BMPR1B: variants seen among roughly 807,000 people sequenced by gnomAD.
BMPR1B encodes the protein bone morphogenetic protein receptor type-1B.
A neutral mutation model predicts 59.1 loss-of-function variants in BMPR1B; 12 were observed. That is an observed-to-expected ratio of 0.20 (90% confidence interval 0.13 to 0.33). The LOEUF is 0.33. Among genes scored for constraint, BMPR1B ranks in the 10% least tolerant of loss-of-function variants. The pLI, the probability that BMPR1B is intolerant of heterozygous loss-of-function variation, is 1.00. For missense variants in BMPR1B, 550 were observed against 610.9 expected, an observed-to-expected ratio of 0.90 and a Z score of 1.05; for synonymous variants, 237 against 207.3, an observed-to-expected ratio of 1.14 and a Z score of -1.23.
At chr4:94,786,824 G>A (rs368660124) in intron 1 of BMPR1B, among the ~76,000 whole-genome samples, 4 of 152,058 alleles carry the variant, frequency 2.6e-5, no homozygotes, top group South Asian at 2.1e-4. Flanking sequence ...GATTACAGGC[G>A]TGAGCCATCG....
intron 7 of BMPR1B, among the ~76,000 whole-genome samples, chr4:95,124,527 A>T (rs1227433065): frequency 6.6e-6 from 1 of 152,022 alleles, no homozygotes; most frequent in African/African-American, 2.4e-5. Flanking sequence ...ATTGACAAAA[A>T]GTTTTTAAAG....
At chr4:94,901,946 ACATAGGTATATATT>A (rs1727824305) in intron 2 of BMPR1B, among the ~76,000 whole-genome samples, 2 of 151,786 alleles carry the variant, frequency 1.3e-5, no homozygotes, top group Admixed American at 6.6e-5. Flanking sequence ...ACATATAGTC[ACATAGGTATATATT>A]CATATGAAGA....
intron 3 of BMPR1B, among the ~76,000 whole-genome samples, chr4:95,026,123 T>TTTCTTTCTTTC (rs1724376028): frequency 6.9e-6 from 1 of 144,504 alleles, no homozygotes; most frequent in Non-Finnish European, 1.5e-5. Flanking sequence ...TCTTTCTTTC[T>TTTCTTTCTTTC]TTCTTTCTTT....
chr4:94,797,478 G>A (rs1443175915), intron 1 of BMPR1B, among the ~76,000 whole-genome samples: 4 of 152,286 alleles, frequency 2.6e-5, no homozygotes, highest in Admixed American at 1.3e-4. Flanking sequence ...ATGTGATTGC[G>A]AAGGTGTTGT....
At chr4:94,833,084 G>C (rs1267182250) in intron 1 of BMPR1B, among the ~76,000 whole-genome samples, 4 of 151,460 alleles carry the variant, frequency 2.6e-5, no homozygotes, top group African/African-American at 9.7e-5. Context: ...TCATTTACTC[G>C]GGAGGCTGAG....
chr4:94,943,519 A>G (rs1729598396), intron 2 of BMPR1B, among the ~76,000 whole-genome samples: 2 of 152,208 alleles, frequency 1.3e-5, no homozygotes, highest in Admixed American at 6.5e-5. Context: ...TACCTACTAC[A>G]TAGGTTTGTT....
chr4:94,978,072 G>A (rs1298238092), intron 2 of BMPR1B, among the ~76,000 whole-genome samples: 5 of 152,098 alleles, frequency 3.3e-5, no homozygotes, highest in African/African-American at 1.2e-4. Flanking sequence ...AGGCCCATTG[G>A]CTTTCACTAA....
chr4:94,921,060 G>A (rs1196120551), intron 2 of BMPR1B, among the ~76,000 whole-genome samples: 1 of 152,034 alleles, frequency 6.6e-6, no homozygotes, highest in Non-Finnish European at 1.5e-5. Flanking sequence ...AACTTTTTCT[G>A]AACTTTAACA....
chr4:95,152,913 A>G (rs751970927), intron 12 of BMPR1B, 140 bp downstream of exon 12: 3 of 1,121,810 alleles, frequency 2.7e-6, no homozygotes, highest in East Asian at 2.6e-5. Context: ...AGTAATTTAT[A>G]TGAAGATAAG....
At chr4:94,864,814 T>C (rs6829384) in intron 1 of BMPR1B, among the ~76,000 whole-genome samples, 10,507 of 152,070 alleles carry the variant, frequency 0.069, 935 homozygotes, top group African/African-American at 0.21. Context: ...ACACAGCCAT[T>C]CCTTTAAAAA....
chr4:94,983,328 T>C (rs1387638208), intron 2 of BMPR1B, among the ~76,000 whole-genome samples: 2 of 152,222 alleles, frequency 1.3e-5, no homozygotes, highest in Non-Finnish European at 2.9e-5. Context: ...AGAAGATACC[T>C]GACACGCTGC....
intron 3 of BMPR1B, among the ~76,000 whole-genome samples, chr4:95,083,920 C>A (rs1464416888): frequency 6.6e-6 from 1 of 151,996 alleles, no homozygotes; most frequent in African/African-American, 2.4e-5. Context: ...AAAGGAAATG[C>A]AGGTTATTTT....
chr4:94,761,725 G>A (rs1394397376), intron 1 of BMPR1B, among the ~76,000 whole-genome samples: 1 of 152,096 alleles, frequency 6.6e-6, no homozygotes. Context: ...TTTTAAATAT[G>A]GGTATTCAGA....
chr4:94,760,365 T>C (rs1447231047), intron 1 of BMPR1B, among the ~76,000 whole-genome samples: 1 of 152,250 alleles, frequency 6.6e-6, no homozygotes, highest in Non-Finnish European at 1.5e-5. Flanking sequence ...GGAAATTGAC[T>C]TAAATTTTTC....
At chr4:94,930,070 A>G (rs1729038368) in intron 2 of BMPR1B, among the ~76,000 whole-genome samples, 1 of 151,954 alleles carries the variant, frequency 6.6e-6, no homozygotes, top group South Asian at 2.1e-4. Flanking sequence ...TTAAACTAAG[A>G]CTGTTTAGGA....
chr4:95,042,800 T>A (rs898841036), intron 3 of BMPR1B, among the ~76,000 whole-genome samples: 2 of 152,192 alleles, frequency 1.3e-5, no homozygotes, highest in African/African-American at 2.4e-5. Context: ...TGCCAAGACA[T>A]CTTCCTCTCA....
chr4:94,953,255 T>A (rs1415187854), intron 2 of BMPR1B, among the ~76,000 whole-genome samples: 1 of 152,208 alleles, frequency 6.6e-6, no homozygotes, highest in Non-Finnish European at 1.5e-5. Context: ...ATTTAGCCCA[T>A]TTACATTTAA....
intron 1 of BMPR1B, among the ~76,000 whole-genome samples, chr4:94,845,553 A>C (rs1725289786): frequency 6.6e-6 from 1 of 152,148 alleles, no homozygotes; most frequent in Non-Finnish European, 1.5e-5. Flanking sequence ...CATGTTAGCC[A>C]GGATGGTCTC....
At chr4:94,807,927 A>G (rs1723673088) in intron 1 of BMPR1B, among the ~76,000 whole-genome samples, 1 of 152,130 alleles carries the variant, frequency 6.6e-6, no homozygotes, top group South Asian at 2.1e-4. Context: ...GCCTCAAGTG[A>G]TCCACCTGCC....
Sources: allele counts gnomAD v4.1 joint callset (sites outside exome capture counted in the v4.1 genomes callset), GRCh38; gene constraint gnomAD v4.1.1; transcripts MANE v1.5; gene names NCBI Gene and HGNC (gene_info 2026-07-23, HGNC 2026-07-21).